The following XPR1 variants were observed in gnomAD, a reference collection of about 807,000 sequenced individuals.
XPR1 encodes the protein xenotropic and polytropic retrovirus receptor 1, also known as solute carrier family 53 member 1.
A neutral mutation model predicts 87.5 loss-of-function variants in XPR1; 28 were observed. That is an observed-to-expected ratio of 0.32 (90% CI 0.24 to 0.44). The LOEUF is 0.44. Among genes scored for constraint, XPR1 ranks in the 20% least tolerant of loss-of-function variants. The pLI is 1.00. For synonymous variants in XPR1, 300 were observed against 306.1 expected (o/e 0.98, Z 0.21); for missense variants, 559 against 862.3 (o/e 0.65, Z 4.41).
At chr1:180,808,015 TG>T (rs1256231863) in intron 6 of XPR1, among the ~76,000 whole-genome samples, 5 of 151,900 alleles carry the variant, frequency 3.3e-5, no homozygotes, top group African/African-American at 1.2e-4. Flanking sequence ...GAAAAGTATA[TG>T]GAAAGGCAGA....
In XPR1 at chr1:180,800,599, G is replaced by A. The variant is rs971065812; in HGVS notation, c.224-2789G>A. Among the ~76,000 whole-genome samples, 3 of 152,170 alleles carry A rather than the reference G, an allele frequency of 2.0e-5. No individual in the cohort carries two copies. The South Asian group carries it at 6.2e-4, about 32-fold the overall frequency. On this transcript the variant is annotated intron_variant, in intron 3 of 14. Coordinates refer to ENST00000367590, the MANE Select transcript of XPR1 (RefSeq NM_004736.4). ...TGCTTGGACTTCTAACCTACAAAAC[G>A]GTGAGCTAATAAATGGGGTTTCTTT... is the stretch of plus-strand genomic sequence containing the variant.
Position 180,685,904 on chromosome 1 carries a change from G to T in XPR1, c.121+3493G>T, listed in dbSNP as rs568354029. Among the ~76,000 whole-genome samples, 8 of 152,050 alleles carry T rather than the reference G, an allele frequency of 5.3e-5. 1 individual carries two copies. The South Asian group carries it at 8.3e-4, about 16-fold the overall frequency. On this transcript the variant is annotated intron_variant, in intron 2 of 14. Transcript: ENST00000367590. ...TTCTTCTTTATTAGTCTTACTAGTG[G>T]TCTATCAATTTTGTTGATCTTTTCA...
intron 2 of XPR1, among the ~76,000 whole-genome samples, chr1:180,691,109 T>TA (rs1656979175): frequency 1.3e-5 from 2 of 152,168 alleles, no homozygotes; most frequent in Admixed American, 1.3e-4. Context: ...GAGCAGATGA[T>TA]ACAAGATTAT....
At chr1:180,877,265 C>T (rs1285223372) in intron 13 of XPR1, among the ~76,000 whole-genome samples, 1 of 152,138 alleles carries the variant, frequency 6.6e-6, no homozygotes, top group East Asian at 1.9e-4. Context: ...CTTATACTGT[C>T]AGATATCAAA....
chr1:180,698,104 T>C (rs1050172255), intron 2 of XPR1, among the ~76,000 whole-genome samples: 2 of 152,136 alleles, frequency 1.3e-5, no homozygotes, highest in Non-Finnish European at 2.9e-5. Flanking sequence ...GCCTTAAATA[T>C]CTGGGTGCTC....
chr1:180,799,562 T>G (rs561067695), intron 3 of XPR1, among the ~76,000 whole-genome samples: 2 of 152,298 alleles, frequency 1.3e-5, no homozygotes, highest in East Asian at 3.9e-4. Flanking sequence ...ACCATGATAG[T>G]GGATAAAGCA....
intron 2 of XPR1, among the ~76,000 whole-genome samples, chr1:180,773,701 C>G (rs907882363): frequency 1.3e-5 from 2 of 148,684 alleles, no homozygotes; most frequent in Admixed American, 6.8e-5. Flanking sequence ...TTACTTTCTC[C>G]CTTTTCTAAG....
At chr1:180,778,179 TC>T (rs1411366167) in intron 2 of XPR1, among the ~76,000 whole-genome samples, 8 of 151,990 alleles carry the variant, frequency 5.3e-5, no homozygotes, top group Non-Finnish European at 1.2e-4. Context: ...AGACTGGGTC[TC>T]CCTAAGTTGT....
chr1:180,795,541 A>G (rs188368729), intron 3 of XPR1, among the ~76,000 whole-genome samples: 1 of 152,264 alleles, frequency 6.6e-6, no homozygotes, highest in African/African-American at 2.4e-5. Flanking sequence ...TGTGTGTAAT[A>G]TTTTTTCAGA....
intron 12 of XPR1, among the ~76,000 whole-genome samples, chr1:180,865,321 G>A (rs1019082915): frequency 5.3e-5 from 8 of 151,940 alleles, no homozygotes; most frequent in African/African-American, 1.9e-4. Context: ...GTTAAAAATG[G>A]CCCTTTTGTG....
At chr1:180,803,283 T>C in intron 3 of XPR1, 105 bp from the exon 4 acceptor site, 1 of 1,074,722 alleles carries the variant, frequency 9.3e-7, no homozygotes, top group Non-Finnish European at 1.3e-6. Flanking sequence ...GTAACGGTTT[T>C]CTTCTAGAAA....
intron 2 of XPR1, among the ~76,000 whole-genome samples, chr1:180,785,015 G>GTGTT (rs1015633480): frequency 5.9e-5 from 8 of 134,794 alleles, no homozygotes; most frequent in Non-Finnish European, 7.5e-5. Flanking sequence ...GTGTGTTTGT[G>GTGTT]TGTGTGTGTG....
At position 180,677,300 on chromosome 1, in the gene XPR1, A is replaced by G. The variant is rs1656399482; in HGVS notation, c.70-5060A>G. Among the ~76,000 whole-genome samples the G allele has an allele frequency of 2.0e-5, 3 of 152,348 alleles. No individual in the cohort carries two copies. In the South Asian group the frequency reaches 6.2e-4, roughly 32 times the overall value. ...GAGTTTAATTCACATAGAACCGTCT[A>G]TACAGGAGACCTGAGTTTTATTATT... On this transcript the variant is annotated intron_variant, in intron 1 of 14. Transcript: ENST00000367590.
At chr1:180,818,122 T>C (rs780208108) in intron 7 of XPR1, among the ~76,000 whole-genome samples, 5 of 152,190 alleles carry the variant, frequency 3.3e-5, no homozygotes, top group African/African-American at 4.8e-5. Flanking sequence ...TGAAAGATAA[T>C]AGACAAATTG....
chr1:180,768,159 A>G lies in XPR1; in HGVS notation c.122-19594A>G, dbSNP rs193274542. Among the ~76,000 whole-genome samples, 241 of 152,202 alleles carry G rather than the reference A, an allele frequency of 1.6e-3. 1 individual carries two copies. Among genetic ancestry groups the G allele is most frequent in the African/African-American group, 5.5e-3 (227 of 41,552 alleles). ...GTGCCCGGCCCACAAGAAACTTTTTAAACAAATTTTCAGTTAAACTGAATG... is the reference window on the plus strand; with the variant it reads ...GTGCCCGGCCCACAAGAAACTTTTTGAACAAATTTTCAGTTAAACTGAATG... On this transcript the variant is annotated intron_variant, in intron 2 of 14. Coordinates refer to ENST00000367590, the MANE Select transcript of XPR1 (RefSeq NM_004736.4).
At chr1:180,711,436 A>T (rs933653003) in intron 2 of XPR1, among the ~76,000 whole-genome samples, 1 of 152,086 alleles carries the variant, frequency 6.6e-6, no homozygotes, top group Admixed American at 6.5e-5. Flanking sequence ...ACACAGCGAA[A>T]CCCCGTCTCC....
chr1:180,848,711 T>C (rs1651770554), intron 11 of XPR1, among the ~76,000 whole-genome samples: 1 of 152,158 alleles, frequency 6.6e-6, no homozygotes, highest in South Asian at 2.1e-4. Flanking sequence ...CACGTGGTAG[T>C]TCCTATATGC....
chr1:180,812,331 A>C (rs909897048), intron 7 of XPR1, among the ~76,000 whole-genome samples: 2 of 152,192 alleles, frequency 1.3e-5, no homozygotes, highest in African/African-American at 4.8e-5. Flanking sequence ...ATGGCTATAA[A>C]TACCGTCTAT....
intron 1 of XPR1, among the ~76,000 whole-genome samples, chr1:180,680,615 G>A (rs1230615063): frequency 6.6e-6 from 1 of 151,908 alleles, no homozygotes; most frequent in African/African-American, 2.4e-5. Context: ...CGCTCTCCTC[G>A]GCCTCCCAAA....
Sources: allele counts gnomAD v4.1 joint callset (sites outside exome capture counted in the v4.1 genomes callset), GRCh38; gene constraint gnomAD v4.1.1; transcripts MANE v1.5; gene names NCBI Gene and HGNC (gene_info 2026-07-23, HGNC 2026-07-21).